The following HACD2 variants were observed in gnomAD, a reference collection of about 807,000 sequenced individuals.
The protein encoded by HACD2 is 3-hydroxyacyl-CoA dehydratase 2, also known as very-long-chain (3R)-3-hydroxyacyl-CoA dehydratase 2.
HACD2 carries 15 observed loss-of-function variants against 31.0 expected under a neutral mutation model. The observed-to-expected ratio is 0.48, with a 90% confidence interval of 0.32 to 0.75. The LOEUF (loss-of-function observed/expected upper bound fraction) is 0.75, where lower values mean the gene tolerates loss of function less well. Among genes scored for constraint, HACD2 ranks in the 30% least tolerant of loss-of-function variants. HACD2 has a pLI of 0.03. For missense variants in HACD2, 283 were observed against 313.0 expected, an observed-to-expected ratio of 0.90 and a Z score of 0.72; for synonymous variants, 115 against 122.2, an observed-to-expected ratio of 0.94 and a Z score of 0.39.
chr3:123,539,270 T>C (rs1054615128), intron 3 of HACD2, among the ~76,000 whole-genome samples: 13 of 152,000 alleles, frequency 8.6e-5, no homozygotes, highest in Non-Finnish European at 1.6e-4. Flanking sequence ...CTATAATACA[T>C]AATAAAAAAC....
chr3:123,582,126 G>T (rs565140593), intron 2 of HACD2, 86 bp downstream of exon 2: 146 of 810,730 alleles, frequency 1.8e-4, no homozygotes, highest in Non-Finnish European at 2.3e-4. Context: ...GAATCCAAAG[G>T]GGGTATGCTA....
intron 6 of HACD2, among the ~76,000 whole-genome samples, chr3:123,497,767 T>C (rs1056212438): frequency 2.0e-5 from 3 of 152,054 alleles, no homozygotes; most frequent in South Asian, 4.2e-4. Flanking sequence ...CACCCCAATA[T>C]GAGGAAACTC....
intron 3 of HACD2, among the ~76,000 whole-genome samples, chr3:123,550,973 C>G (rs2056613739): frequency 6.6e-6 from 1 of 152,260 alleles, no homozygotes; most frequent in South Asian, 2.1e-4. Flanking sequence ...AGGATGAGAG[C>G]TGGGAGAGAG....
intron 2 of HACD2, among the ~76,000 whole-genome samples, chr3:123,574,770 C>T (rs1194974209): frequency 6.6e-6 from 1 of 152,106 alleles, no homozygotes; most frequent in Non-Finnish European, 1.5e-5. Context: ...CACGCCCCTC[C>T]AGAGGTAAGC....
At chr3:123,577,977 C>T (rs1034822261) in intron 2 of HACD2, among the ~76,000 whole-genome samples, 1 of 152,150 alleles carries the variant, frequency 6.6e-6, no homozygotes, top group African/African-American at 2.4e-5. Context: ...ACCACTATTT[C>T]AAGAACAATA....
intron 3 of HACD2, among the ~76,000 whole-genome samples, chr3:123,538,219 ATTCAATAAAT>A (rs1303770798): frequency 3.9e-5 from 6 of 152,180 alleles, no homozygotes; most frequent in Non-Finnish European, 8.8e-5. Context: ...AGAAAGCAAT[ATTCAATAAAT>A]TTCACATAAC....
At chr3:123,524,325 C>T (rs777180861) in intron 4 of HACD2, among the ~76,000 whole-genome samples, 1 of 152,050 alleles carries the variant, frequency 6.6e-6, no homozygotes, top group Non-Finnish European at 1.5e-5. Context: ...TTTAATAAGC[C>T]CTCTGGGTGA....
intron 3 of HACD2, among the ~76,000 whole-genome samples, 165 bp downstream of exon 3, chr3:123,567,597 T>C (rs959637848): frequency 4.6e-5 from 7 of 152,218 alleles, no homozygotes; most frequent in African/African-American, 1.7e-4. Flanking sequence ...ATAGTACCTA[T>C]GATTTCAGAA....
At chr3:123,543,699 C>T (rs1296230971) in intron 3 of HACD2, 4 of 416,996 alleles carry the variant, frequency 9.6e-6, no homozygotes, top group Non-Finnish European at 1.9e-5. Flanking sequence ...GATAGCCACT[C>T]GAATTATAAC....
chr3:123,530,772 G>A (rs1337524392), intron 3 of HACD2, among the ~76,000 whole-genome samples: 2 of 151,532 alleles, frequency 1.3e-5, no homozygotes, highest in African/African-American at 2.4e-5. Flanking sequence ...GGCTGGTTTC[G>A]AACTCCTAAG....
chr3:123,510,959 T>C (rs968215703), intron 4 of HACD2, among the ~76,000 whole-genome samples: 8 of 151,792 alleles, frequency 5.3e-5, no homozygotes, highest in African/African-American at 1.9e-4. Context: ...TTTTTTGTTT[T>C]TTTTTTTAAA....
chr3:123,577,100 G>A (rs1240945107), intron 2 of HACD2, among the ~76,000 whole-genome samples: 1 of 152,080 alleles, frequency 6.6e-6, no homozygotes, highest in African/African-American at 2.4e-5. Flanking sequence ...GTAGATAAGG[G>A]GTTTCAAGTA....
intron 1 of HACD2, among the ~76,000 whole-genome samples, chr3:123,582,664 T>C (rs1458830482): frequency 6.6e-6 from 1 of 151,804 alleles, no homozygotes; most frequent in Non-Finnish European, 1.5e-5. Flanking sequence ...GCCAAGAAAA[T>C]CTAAGACGAG....
At chr3:123,501,747 C>T (rs2055904855) in intron 5 of HACD2, among the ~76,000 whole-genome samples, 1 of 152,134 alleles carries the variant, frequency 6.6e-6, no homozygotes, top group African/African-American at 2.4e-5. Flanking sequence ...CCCATTCTTC[C>T]CCTTTCCTAA....
intron 3 of HACD2, among the ~76,000 whole-genome samples, chr3:123,545,048 A>AG (rs1368030686): frequency 6.6e-6 from 1 of 150,650 alleles, no homozygotes; most frequent in East Asian, 1.9e-4. Flanking sequence ...AAAAAAAAAA[A>AG]AAAAAAAAAA....
At chr3:123,495,045 A>G (rs1033628547) in intron 6 of HACD2, 75 bp from the exon 7 acceptor site, 182 of 905,822 alleles carry the variant, frequency 2.0e-4, no homozygotes, top group Non-Finnish European at 2.9e-4. Flanking sequence ...TATGAAGTTG[A>G]GGTCCTCTCT....
At chr3:123,575,279 T>A (rs1201365406) in intron 2 of HACD2, among the ~76,000 whole-genome samples, 1 of 152,114 alleles carries the variant, frequency 6.6e-6, no homozygotes, top group Non-Finnish European at 1.5e-5. Flanking sequence ...GCTAATTTTT[T>A]AAATTTTTAA....
At chr3:123,531,550 C>T (rs1268815670) in intron 3 of HACD2, among the ~76,000 whole-genome samples, 1 of 151,994 alleles carries the variant, frequency 6.6e-6, no homozygotes, top group African/African-American at 2.4e-5. Context: ...GTCATCCACC[C>T]GCTGCCTCGG....
At chr3:123,528,767 T>C (rs111367850) in intron 3 of HACD2, among the ~76,000 whole-genome samples, 5,216 of 152,272 alleles carry the variant, frequency 0.034, 91 homozygotes, top group Middle Eastern at 0.088. Flanking sequence ...ACTTACTGTA[T>C]AGATGGAGAA....
Sources: allele counts gnomAD v4.1 joint callset (sites outside exome capture counted in the v4.1 genomes callset), GRCh38; gene constraint gnomAD v4.1.1; transcripts MANE v1.5; gene names NCBI Gene and HGNC (gene_info 2026-07-23, HGNC 2026-07-21).